LMBRD1: variants seen among roughly 807,000 people sequenced by gnomAD.
LMBRD1 encodes the protein LMBR1 domain containing 1.
LMBRD1 carries 64 observed loss-of-function variants against 74.8 expected under a neutral mutation model. The ratio of observed to expected loss-of-function variants is 0.86; its 90% CI spans 0.70 to 1.05. The LOEUF is 1.05. Among genes scored for constraint, LMBRD1 ranks in the 50% least tolerant of loss-of-function variants. The pLI, the probability that LMBRD1 is intolerant of heterozygous loss-of-function variation, is 0.00. For missense variants in LMBRD1, 652 were observed against 645.9 expected, an observed-to-expected ratio of 1.01 and a Z score of -0.10; for synonymous variants, 204 against 216.3, an observed-to-expected ratio of 0.94 and a Z score of 0.50.
rs1389466957 is a variant in LMBRD1, at chr6:69,676,525, G to A, written c.1434C>T (p.Thr478=). ...ACTTGTGAAGGAATAGGTATGTCCG[G>A]GTAACAGTACACTGATCTGTGAAAG... ...ADAPEDQCTV[T]RTYLFLHKFW... Residue 478 remains threonine, a synonymous_variant, in exon 15 of 16, where the codon ACC becomes ACT. Coordinates refer to ENST00000649934, the MANE Select transcript of LMBRD1 (RefSeq NM_018368.4). The A allele has an allele frequency of 6.2e-7, 1 of 1,612,664 alleles. No homozygotes were observed. Among genetic ancestry groups the A allele is most frequent in the South Asian group, 1.1e-5 (1 of 91,050 alleles).
chr6:69,738,554 G>C (rs1767024816), intron 6 of LMBRD1, among the ~76,000 whole-genome samples: 1 of 151,196 alleles, frequency 6.6e-6, no homozygotes, highest in Non-Finnish European at 1.5e-5. Flanking sequence ...TTGCCTACTT[G>C]GCAGAAAAAT....
At chr6:69,753,526 A>G (rs922132979) in intron 3 of LMBRD1, among the ~76,000 whole-genome samples, 2 of 152,226 alleles carry the variant, frequency 1.3e-5, no homozygotes, top group African/African-American at 4.8e-5. Flanking sequence ...AAACAGTACG[A>G]TGTTTCCTAA....
intron 1 of LMBRD1, among the ~76,000 whole-genome samples, chr6:69,792,550 A>G (rs1766109494): frequency 6.6e-6 from 1 of 152,204 alleles, no homozygotes; most frequent in Non-Finnish European, 1.5e-5. Flanking sequence ...CTGAGAAGGG[A>G]GTTAAGACTT....
intron 9 of LMBRD1, among the ~76,000 whole-genome samples, chr6:69,704,877 T>C (rs1427744612): frequency 1.3e-5 from 2 of 150,636 alleles, no homozygotes; most frequent in African/African-American, 4.9e-5. Context: ...CCTTTTGTTC[T>C]TCTGCTAGCT....
chr6:69,753,865 T>C (rs966447453), intron 3 of LMBRD1, among the ~76,000 whole-genome samples: 6 of 150,478 alleles, frequency 4.0e-5, no homozygotes, highest in South Asian at 2.1e-4. Context: ...GGCGTGAACC[T>C]GGGAGGCAGA....
intron 3 of LMBRD1, among the ~76,000 whole-genome samples, chr6:69,755,090 A>C (rs1317366569): frequency 3.3e-5 from 5 of 152,220 alleles, no homozygotes; most frequent in Non-Finnish European, 7.3e-5. Context: ...GTATATACCC[A>C]AAGGATCATA....
At chr6:69,693,628 C>T (rs1765934320) in intron 14 of LMBRD1, among the ~76,000 whole-genome samples, 2 of 151,754 alleles carry the variant, frequency 1.3e-5, no homozygotes, top group South Asian at 4.2e-4. Context: ...CCATCAAATG[C>T]CTTATGAGTT....
chr6:69,760,810 TG>T (rs1765357853), intron 3 of LMBRD1, among the ~76,000 whole-genome samples: 1 of 152,166 alleles, frequency 6.6e-6, no homozygotes, highest in Non-Finnish European at 1.5e-5. Flanking sequence ...GCTGCCATGT[TG>T]TGAGCTGCCC....
chr6:69,750,533 A>G (rs534811752), intron 4 of LMBRD1, among the ~76,000 whole-genome samples: 1 of 152,218 alleles, frequency 6.6e-6, no homozygotes, highest in Non-Finnish European at 1.5e-5. Flanking sequence ...AGACTAACGA[A>G]GTATCTAAAA....
intron 7 of LMBRD1, among the ~76,000 whole-genome samples, chr6:69,735,104 T>G (rs1199802407): frequency 6.6e-6 from 1 of 152,222 alleles, no homozygotes; most frequent in African/African-American, 2.4e-5. Flanking sequence ...TTACAATAAT[T>G]TGCATTCATT....
intron 7 of LMBRD1, among the ~76,000 whole-genome samples, chr6:69,728,996 T>C (rs1352216166): frequency 6.6e-6 from 1 of 151,982 alleles, no homozygotes; most frequent in African/African-American, 2.4e-5. Context: ...TTTGCTATTT[T>C]TTTTTTATGA....
intron 7 of LMBRD1, among the ~76,000 whole-genome samples, chr6:69,725,755 A>G (rs1766718045): frequency 6.6e-6 from 1 of 152,216 alleles, no homozygotes. Flanking sequence ...TGAAGACCTA[A>G]GATCAAAGAC....
At chr6:69,686,194 C>T (rs1582045026) in intron 14 of LMBRD1, among the ~76,000 whole-genome samples, 1 of 152,282 alleles carries the variant, frequency 6.6e-6, no homozygotes, top group East Asian at 1.9e-4. Context: ...CTTATAAATA[C>T]ATTACCAAAA....
rs775479682 is a variant in LMBRD1, at chr6:69,741,818, T to C, written c.533A>G (p.Lys178Arg). Residue 178 changes from lysine (K) to arginine (R), a missense_variant, in exon 6 of 16, where the codon AAG (lysine) becomes AGG (arginine). Lys to Arg is a conservative substitution (Grantham distance 26, BLOSUM62 2). This residue lies in a region of LMBRD1 where 598 missense variants were observed against 581.8 expected (regional missense o/e 1.03). Transcript: ENST00000649934. ...ACTTCCAAGTTCTTCAAATAGGGAC[T>C]TCACTTTTTCCCACTCTGTAGAATT... The part of the protein sequence containing the change: ...NKNSTEWEKV[K>R]SLFEELGSSH... 2.5e-6 allele frequency: 4 copies of C among 1,604,648 alleles called. No homozygotes were observed. Among genetic ancestry groups the C allele is most frequent in the African/African-American group, 2.7e-5 (2 of 74,730 alleles).
rs530614957 is a variant in LMBRD1, at chr6:69,701,772, C to A, written c.980+117G>T. ...TTCTTTGAGTTAATGCTATAGAACACTTCAAGTAAAAAAGCTACTTAAGAT... is the reference window on the plus strand; with the variant it reads ...TTCTTTGAGTTAATGCTATAGAACAATTCAAGTAAAAAAGCTACTTAAGAT... On this transcript the variant is annotated intron_variant, in intron 10 of 15. Transcript: ENST00000649934. 17 of 768,916 alleles carry A rather than the reference C, an allele frequency of 2.2e-5. No individual in the cohort carries two copies. The Middle Eastern group carries it at 7.9e-4, about 36-fold the overall frequency. 47.6% of individuals were successfully genotyped at this position (768,916 alleles called of 1,614,324 possible).
chr6:69,683,756 T>C (rs1284132536), intron 14 of LMBRD1, among the ~76,000 whole-genome samples: 1 of 151,758 alleles, frequency 6.6e-6, no homozygotes, highest in African/African-American at 2.4e-5. Flanking sequence ...ACTGTTCTAG[T>C]ATAGGAATAA....
chr6:69,681,841 C>T (rs1018854236), intron 14 of LMBRD1, among the ~76,000 whole-genome samples: 16 of 151,872 alleles, frequency 1.1e-4, no homozygotes, highest in African/African-American at 3.9e-4. Context: ...TAACTGTATA[C>T]AGGCTAAGGA....
chr6:69,682,025 G>A (rs1405348698), intron 14 of LMBRD1, among the ~76,000 whole-genome samples: 5 of 151,836 alleles, frequency 3.3e-5, no homozygotes, highest in Non-Finnish European at 7.4e-5. Context: ...AAAAAGTTGG[G>A]ATCTGTGAGA....
At chr6:69,721,461 C>T (rs190075579) in intron 7 of LMBRD1, among the ~76,000 whole-genome samples, 1 of 152,286 alleles carries the variant, frequency 6.6e-6, no homozygotes, top group Non-Finnish European at 1.5e-5. Flanking sequence ...TCACAGATGA[C>T]ATTTCTAGAC....
Sources: allele counts gnomAD v4.1 joint callset (sites outside exome capture counted in the v4.1 genomes callset), GRCh38; gene constraint gnomAD v4.1.1; regional missense constraint gnomAD v4.1.1; transcripts MANE v1.5; gene names NCBI Gene and HGNC (gene_info 2026-07-23, HGNC 2026-07-21).